Variants in DUSP3 observed in about 807,000 individuals in gnomAD.
DUSP3 encodes the protein dual specificity phosphatase 3.
Under a neutral mutation model 15.5 loss-of-function variants are expected in DUSP3, and 7 were observed. The observed-to-expected ratio is 0.45, with a 90% CI of 0.26 to 0.85. The LOEUF (loss-of-function observed/expected upper bound fraction) is 0.85, where lower values mean the gene tolerates loss of function less well. Among genes scored for constraint, DUSP3 ranks in the 40% least tolerant of loss-of-function variants. The pLI, the probability that DUSP3 is intolerant of heterozygous loss-of-function variation, is 0.18. For synonymous variants in DUSP3, 86 were observed against 104.2 expected, an observed-to-expected ratio of 0.83 and a Z score of 1.07; for missense variants, 209 against 251.7, an observed-to-expected ratio of 0.83 and a Z score of 1.15.
rs1371854070 is a variant in DUSP3 at position 43,766,260 on chromosome 17, ACT to A, written c.*3347_*3348del. 1 of 152,126 alleles carries A rather than the reference ACT, an allele frequency of 6.6e-6. No individual in the cohort carries two copies. The highest frequency in any genetic ancestry group is 2.4e-5 in the African/African-American group (1 of 41,338). The allele number at this position is 152,126 out of a possible 1,614,324, so 9.4% of individuals were successfully genotyped here. ...CTCCCTTTTCTGTCCAGAAAAATTC[ACT>A]CTTTCATAATCAAATTACCCTAAAA... On this transcript the variant is annotated 3_prime_UTR_variant, in exon 3 of 3. Transcript: ENST00000226004.
intron 1 of DUSP3, among the ~76,000 whole-genome samples, chr17:43,776,061 G>A (rs1452637706): frequency 6.6e-6 from 1 of 152,226 alleles, no homozygotes; most frequent in Non-Finnish European, 1.5e-5. Context: ...GGAGGTTGCA[G>A]TGTGCTGAGA....
intron 2 of DUSP3, among the ~76,000 whole-genome samples, chr17:43,773,322 G>A (rs1974341651): frequency 6.6e-6 from 1 of 152,152 alleles, no homozygotes; most frequent in Non-Finnish European, 1.5e-5. Flanking sequence ...GGGGAGAGAC[G>A]AAGAGGTAAA....
chr17:43,775,957 A>C (rs1012802209), intron 1 of DUSP3, among the ~76,000 whole-genome samples: 2 of 152,082 alleles, frequency 1.3e-5, no homozygotes, highest in Non-Finnish European at 2.9e-5. Context: ...CTAAAAATAC[A>C]AAAGTGAGCC....
intron 2 of DUSP3, among the ~76,000 whole-genome samples, chr17:43,770,340 G>A (rs925303134): frequency 2.0e-5 from 3 of 152,184 alleles, no homozygotes; most frequent in Non-Finnish European, 4.4e-5. Context: ...GTAGGAAAGC[G>A]GGCAAAACCA....
intron 1 of DUSP3, among the ~76,000 whole-genome samples, chr17:43,775,547 A>G (rs749497403): frequency 2.6e-5 from 4 of 152,206 alleles, no homozygotes; most frequent in Non-Finnish European, 4.4e-5. Context: ...GTGTTTAGAC[A>G]TCCAGACTGT....
intron 2 of DUSP3, among the ~76,000 whole-genome samples, chr17:43,772,351 T>G (rs1331060217): frequency 6.6e-6 from 1 of 152,190 alleles, no homozygotes; most frequent in Non-Finnish European, 1.5e-5. Context: ...ACCCTAGGAA[T>G]GAGACCCTCT....
At chr17:43,777,617 T>C (rs1047951734) in intron 1 of DUSP3, 8 of 452,652 alleles carry the variant, frequency 1.8e-5, no homozygotes, top group African/African-American at 1.4e-4. Flanking sequence ...AGGGTTAGTT[T>C]TGAGTTTTCA....
At position 43,766,219 on chromosome 17, in the gene DUSP3, AAAC is replaced by A. The variant is rs1307826527; in HGVS notation, c.*3387_*3389del. On this transcript the variant is annotated 3_prime_UTR_variant, in exon 3 of 3. Coordinates refer to ENST00000226004, the MANE Select transcript of DUSP3 (RefSeq NM_004090.4). ...ATTAAACTTCCTTTTAAAAAGAAAA[AAAC>A]AATTTGGTAGCTCTCCCTTTTCTGT... 1 of 152,556 alleles carries A rather than the reference AAAC, an allele frequency of 6.6e-6. No individual in the cohort carries two copies. Among genetic ancestry groups the A allele is most frequent in the African/African-American group, 2.4e-5 (1 of 41,458 alleles). 9.5% of individuals were successfully genotyped at this position (152,556 alleles called of 1,614,324 possible).
chr17:43,767,376 C>T lies in DUSP3; in HGVS notation c.*2233G>A, dbSNP rs1052473360. 6.6e-6 allele frequency: 1 copy of T among 152,648 alleles called. No homozygotes were observed. Among genetic ancestry groups the T allele is most frequent in the African/African-American group, 2.4e-5 (1 of 41,438 alleles). The allele number at this position is 152,648 out of a possible 1,614,324, so 9.5% of individuals were successfully genotyped here. On this transcript the variant is annotated 3_prime_UTR_variant, in exon 3 of 3. Transcript: ENST00000226004. ...CTGCACATTCTAGCCTATGAGGGAC[C>T]CACCCTTTTCACTTGCTTCTCCGGG...
rs1211090971 is a variant in DUSP3, at chr17:43,778,864, C to T, written c.61G>A (p.Gly21Ser). 1.3e-6 allele frequency: 2 copies of T among 1,521,022 alleles called. No homozygotes were observed. The highest frequency in any genetic ancestry group is 1.4e-5 in the African/African-American group (1 of 69,502). 94.2% of individuals were successfully genotyped at this position (1,521,022 alleles called of 1,614,324 possible). A position where few individuals can be genotyped will look rare whatever the true frequency, so the allele number is the denominator to read the frequency against. Reference protein sequence around the residue: ...DLNDLLSDGSGCYSLPSQPCN... With the variant: ...DLNDLLSDGSSCYSLPSQPCN... ...GGCTGGCTCGGGAGGCTGTAGCAGC[C>T]GCTGCCGTCCGAGAGCAGGTCGTTG... Residue 21 changes from glycine to serine, a missense_variant, in exon 1 of 3, where the codon GGC (glycine) becomes AGC (serine). Coordinates refer to ENST00000226004, the MANE Select transcript of DUSP3 (RefSeq NM_004090.4).
At chr17:43,770,179 C>A (rs550090841) in intron 2 of DUSP3, among the ~76,000 whole-genome samples, 1 of 152,324 alleles carries the variant, frequency 6.6e-6, no homozygotes, top group South Asian at 2.1e-4. Context: ...CCAGAATGTT[C>A]ACAGGCAACA....
At position 43,769,402 on chromosome 17, in the gene DUSP3, G is replaced by A. The variant is rs1328107624; in HGVS notation, c.*207C>T. The A allele has an allele frequency of 5.3e-6, 3 of 568,700 alleles. No individual in the cohort carries two copies. The highest frequency in any genetic ancestry group is 3.8e-5 in the African/African-American group (2 of 52,730). The allele number at this position is 568,700 out of a possible 1,614,324, so 35.2% of individuals were successfully genotyped here. A position where few individuals can be genotyped will look rare whatever the true frequency, so the allele number is the denominator to read the frequency against. On this transcript the variant is annotated 3_prime_UTR_variant, in exon 3 of 3. Transcript: ENST00000226004. ...TAAGTTACAGAAACAGGACAACTGG[G>A]GAGCAAGGACGCCCCCCTTGGCAAG... is the stretch of plus-strand genomic sequence containing the variant.
intron 1 of DUSP3, chr17:43,777,483 T>C (rs565162522): frequency 2.2e-6 from 1 of 455,922 alleles, no homozygotes; most frequent in South Asian, 1.5e-5. Flanking sequence ...TGGCAGTCCT[T>C]GGCAGGCTAA....
At chr17:43,775,505 G>C (rs2154590696) in intron 1 of DUSP3, among the ~76,000 whole-genome samples, 1 of 152,290 alleles carries the variant, frequency 6.6e-6, no homozygotes, top group African/African-American at 2.4e-5. Context: ...ACGGTAGTGA[G>C]CACTATGATT....
At chr17:43,775,930 G>C (rs574385534) in intron 1 of DUSP3, among the ~76,000 whole-genome samples, 2 of 152,236 alleles carry the variant, frequency 1.3e-5, no homozygotes, top group African/African-American at 4.8e-5. Flanking sequence ...GGCCAACATG[G>C]TGAAACCCCG....
chr17:43,776,120 AAAAATAAAAT>A (rs1226566738), intron 1 of DUSP3, among the ~76,000 whole-genome samples: 2 of 152,200 alleles, frequency 1.3e-5, no homozygotes, highest in Non-Finnish European at 2.9e-5. Context: ...CTCCGTCTCG[AAAAATAAAAT>A]AAAATAAAAT....
At position 43,769,825 on chromosome 17, in the gene DUSP3, C is replaced by G. The variant is rs1974290230; in HGVS notation, c.353-11G>C. 6.2e-7 allele frequency: 1 copy of G among 1,613,812 alleles called. No homozygotes were observed. Among genetic ancestry groups the G allele is most frequent in the African/African-American group, 1.3e-5 (1 of 74,916 alleles). On this transcript the variant is annotated splice_polypyrimidine_tract_variant and intron_variant, in intron 2 of 2. Coordinates refer to ENST00000226004, the MANE Select transcript of DUSP3 (RefSeq NM_004090.4). ...GGACGAGCACCCGGCCTGTAAGAAA[C>G]AGGGGAGACGTGGTGAGCTGGGGGC... is the stretch of plus-strand genomic sequence containing the variant.
At position 43,769,649 on chromosome 17, in the gene DUSP3, A is replaced by G. The variant is rs1011444688; in HGVS notation, c.518T>C (p.Leu173Pro). The change falls in exon 3 of 3, where the codon CTC becomes CCC. Residue 173 changes from leucine (L) to proline (P), a missense_variant. Physicochemically the swap from Leu to Pro is moderately conservative, Grantham distance 98. Coordinates refer to ENST00000226004, the MANE Select transcript of DUSP3 (RefSeq NM_004090.4). ...CCCCTCCTTGGCTAGTCTGTCATTG[A>G]GCTGGCAGAGCTGGGCCAGGAAGCC... Reference protein sequence around the residue: ...NDGFLAQLCQLNDRLAKEGKL... With the variant: ...NDGFLAQLCQPNDRLAKEGKL... 5 of 1,612,654 alleles carry G rather than the reference A, an allele frequency of 3.1e-6. No homozygotes were observed. Among genetic ancestry groups the G allele is most frequent in the African/African-American group, 1.3e-5 (1 of 74,840 alleles).
chr17:43,775,496 C>T (rs979185664), intron 1 of DUSP3, among the ~76,000 whole-genome samples: 5 of 152,182 alleles, frequency 3.3e-5, no homozygotes, highest in Admixed American at 6.5e-5. Flanking sequence ...GAGCTGGACA[C>T]GGTAGTGAGC....
Sources: gnomAD v4.1 joint callset for allele counts (sites outside exome capture counted in the v4.1 genomes callset) on GRCh38, gnomAD v4.1.1 for gene constraint, MANE v1.5 for transcripts, NCBI Gene and HGNC (gene_info 2026-07-23, HGNC 2026-07-21) for gene names.